The following KSR2 variants were observed in gnomAD, a reference collection of about 807,000 sequenced individuals.
KSR2 encodes kinase suppressor of ras 2.
Under a neutral mutation model 107.8 loss-of-function variants are expected in KSR2, and 25 were observed. The observed-to-expected ratio is 0.23, with a 90% confidence interval of 0.17 to 0.32. KSR2 has a LOEUF of 0.32. Among genes scored for constraint, KSR2 ranks in the 10% least tolerant of loss-of-function variants. The probability of loss-of-function intolerance (pLI) is 1.00; values close to 1 mark genes in which losing one functional copy is unlikely to be tolerated. For missense variants in KSR2, 887 were observed against 1,268.9 expected, an observed-to-expected ratio of 0.70 and a Z score of 4.57; for synonymous variants, 480 against 507.0, an observed-to-expected ratio of 0.95 and a Z score of 0.71.
chr12:117,567,255 A>G (rs1337966680), intron 7 of KSR2, among the ~76,000 whole-genome samples: 2 of 152,204 alleles, frequency 1.3e-5, no homozygotes, highest in Non-Finnish European at 2.9e-5. Flanking sequence ...GCTGAGCTTG[A>G]AAGATAAATG....
At chr12:117,856,510 CTT>C (rs1017738057) in intron 2 of KSR2, among the ~76,000 whole-genome samples, 2 of 152,118 alleles carry the variant, frequency 1.3e-5, no homozygotes, top group African/African-American at 2.4e-5. Context: ...CAGTCTCGCT[CTT>C]GTTTCCCAGG....
intron 3 of KSR2, among the ~76,000 whole-genome samples, chr12:117,848,387 C>T (rs376476675): frequency 9.2e-5 from 14 of 152,310 alleles, no homozygotes; most frequent in South Asian, 4.1e-4. Context: ...ATGGTGAGAA[C>T]GTGCTCTTCC....
chr12:117,505,029 A>G (rs2936838), intron 14 of KSR2, among the ~76,000 whole-genome samples: 15,366 of 152,152 alleles, frequency 0.1, 926 homozygotes, highest in East Asian at 0.24. Context: ...TCCATTCCTG[A>G]GTTACTTAAT....
intron 4 of KSR2, among the ~76,000 whole-genome samples, chr12:117,744,076 T>G (rs1888313395): frequency 1.3e-5 from 2 of 152,190 alleles, no homozygotes. Context: ...TAGCATTTGA[T>G]TTCTGTGCTG....
chr12:117,503,387 G>A (rs1004572066), intron 14 of KSR2, among the ~76,000 whole-genome samples: 6 of 152,184 alleles, frequency 3.9e-5, no homozygotes, highest in African/African-American at 1.4e-4. Flanking sequence ...CAGTTATGTT[G>A]CATATGTGAC....
intron 3 of KSR2, among the ~76,000 whole-genome samples, chr12:117,784,619 T>C (rs930962848): frequency 1.3e-5 from 2 of 152,136 alleles, no homozygotes; most frequent in Non-Finnish European, 2.9e-5. Flanking sequence ...TTTAAGTCCA[T>C]TGCACCCATG....
chr12:117,822,737 A>G (rs1246122878), intron 3 of KSR2, among the ~76,000 whole-genome samples: 2 of 152,244 alleles, frequency 1.3e-5, no homozygotes, highest in African/African-American at 4.8e-5. Context: ...GCTCAGGATC[A>G]TGAGAGAGTA....
chr12:117,502,307 G>C (rs1398135243), intron 14 of KSR2, among the ~76,000 whole-genome samples: 1 of 152,184 alleles, frequency 6.6e-6, no homozygotes, highest in East Asian at 1.9e-4. Context: ...CTATGTATCT[G>C]TATGTTTTTT....
chr12:117,568,604 G>A (rs1449709995), intron 7 of KSR2, among the ~76,000 whole-genome samples: 1 of 152,136 alleles, frequency 6.6e-6, no homozygotes, highest in Non-Finnish European at 1.5e-5. Context: ...CTGTAAAATG[G>A]GGGTAATAAT....
intron 4 of KSR2, among the ~76,000 whole-genome samples, chr12:117,727,032 T>C (rs1385057612): frequency 6.6e-6 from 1 of 152,094 alleles, no homozygotes. Context: ...ATAATCAAGT[T>C]AAGGTCATAC....
chr12:117,948,114 G>A (rs115061930), intron 1 of KSR2, among the ~76,000 whole-genome samples: 4,293 of 152,206 alleles, frequency 0.028, 198 homozygotes, highest in African/African-American at 0.098. Flanking sequence ...ACACTATTCA[G>A]TTTTTTTCTT....
chr12:117,539,473 A>T (rs968246903), intron 10 of KSR2: 2 of 450,964 alleles, frequency 4.4e-6, no homozygotes, highest in African/African-American at 4.1e-5. Context: ...CTGTTTCTTC[A>T]TCTGTAAAAT....
chr12:117,906,345 C>A (rs1894844104), intron 1 of KSR2, among the ~76,000 whole-genome samples: 1 of 119,674 alleles, frequency 8.4e-6, no homozygotes. Flanking sequence ...AAGAGCAAAA[C>A]TCTGTCTCAA....
chr12:117,743,359 C>T (rs1888292155), intron 4 of KSR2, among the ~76,000 whole-genome samples: 2 of 152,220 alleles, frequency 1.3e-5, no homozygotes, highest in South Asian at 4.1e-4. Context: ...CCACTGCAGC[C>T]TTGCTTAATG....
intron 2 of KSR2, among the ~76,000 whole-genome samples, chr12:117,857,166 C>T (rs1893131537): frequency 6.6e-6 from 1 of 152,152 alleles, no homozygotes; most frequent in Non-Finnish European, 1.5e-5. Flanking sequence ...TCAAGCGACC[C>T]TCCCACCTCA....
chr12:117,567,660 G>A (rs912505364), intron 7 of KSR2, among the ~76,000 whole-genome samples: 2 of 79,692 alleles, frequency 2.5e-5, no homozygotes, highest in African/African-American at 7.2e-5. Context: ...AAGGCTTCTC[G>A]CAAAAAAAAA....
intron 8 of KSR2, among the ~76,000 whole-genome samples, chr12:117,556,299 T>C (rs1415970673): frequency 6.6e-6 from 1 of 152,198 alleles, no homozygotes; most frequent in Admixed American, 6.5e-5. Flanking sequence ...CATATGGGAA[T>C]CAGCCTCTAG....
At position 117,555,305 on chromosome 12, in the gene KSR2, A is replaced by G. The variant is rs762478271; in HGVS notation, c.1394-12T>C. On this transcript the variant is annotated splice_polypyrimidine_tract_variant and intron_variant, in intron 8 of 19. Coordinates refer to ENST00000339824, the MANE Select transcript of KSR2 (RefSeq NM_173598.6). ...TAACCTTGCTGGATCCGTAGGGGTA[A>G]AAACATTGATTTGGGAGTTTAAGTA... 1.2e-6 allele frequency: 2 copies of G among 1,613,656 alleles called. No individual in the cohort carries two copies. The highest frequency in any genetic ancestry group is 1.6e-4 in the Middle Eastern group (1 of 6,062).
intron 1 of KSR2, among the ~76,000 whole-genome samples, chr12:117,892,254 A>C (rs1414229250): frequency 6.6e-6 from 1 of 150,986 alleles, no homozygotes; most frequent in Non-Finnish European, 1.5e-5. Context: ...CAGTGAGCTG[A>C]GATCGCGCCA....
Sources: allele counts gnomAD v4.1 joint callset (sites outside exome capture counted in the v4.1 genomes callset), GRCh38; gene constraint gnomAD v4.1.1; transcripts MANE v1.5; gene names NCBI Gene and HGNC (gene_info 2026-07-23, HGNC 2026-07-21).